Variants in GGTA1 observed in about 807,000 individuals in gnomAD.
The protein encoded by GGTA1 is glycoprotein alpha-galactosyltransferase 1 (inactive).
A neutral mutation model predicts 2.6 loss-of-function variants in GGTA1; 5 were observed. The observed-to-expected ratio is 1.92, with a 90% CI of 1.00 to 4.04. GGTA1 has a LOEUF of 4.04. GGTA1 is among the 30% of genes most tolerant of loss of function. The probability of loss-of-function intolerance (pLI) is 0.00; values close to 1 mark genes in which losing one functional copy is unlikely to be tolerated. For synonymous variants in GGTA1, 17 were observed against 5.0 expected, an observed-to-expected ratio of 3.38 and a Z score of -3.19; for missense variants, 50 against 16.7, an observed-to-expected ratio of 2.99 and a Z score of -3.47.
intron 1 of GGTA1, among the ~76,000 whole-genome samples, chr9:121,493,420 A>G (rs1828916723): frequency 6.6e-6 from 1 of 152,102 alleles, no homozygotes; most frequent in Non-Finnish European, 1.5e-5. Flanking sequence ...TTCGCCCAAG[A>G]CATTAAAACT....
chr9:121,445,979 C>A (rs765044863), exon 8 of GGTA1: 6 of 152,224 alleles, frequency 3.9e-5, no homozygotes, highest in Non-Finnish European at 8.8e-5. Flanking sequence ...TGACACCATC[C>A]ACATCTCTTT....
At chr9:121,452,390 A>C (rs1276714999), downstream of GGTA1, 1 of 152,606 alleles carries the variant, frequency 6.6e-6, no homozygotes, top group Non-Finnish European at 1.5e-5. Context: ...ACTGTCCTTG[A>C]ATCCTGACTG....
intron 1 of GGTA1, among the ~76,000 whole-genome samples, chr9:121,472,978 A>G (rs1265240948): frequency 2.6e-5 from 4 of 152,050 alleles, no homozygotes; most frequent in African/African-American, 9.7e-5. Context: ...GAGCTTATCT[A>G]TGGCTTGAAT....
At chr9:121,463,198 A>C (rs2118678204) in intron 3 of GGTA1, 95 bp downstream of exon 3, 2 of 434,034 alleles carry the variant, frequency 4.6e-6, no homozygotes, top group South Asian at 3.3e-5. Flanking sequence ...TTGGCCGAAC[A>C]CCATGGCTGG....
chr9:121,488,515 G>GAA (rs1828807520), intron 1 of GGTA1, among the ~76,000 whole-genome samples: 1 of 152,130 alleles, frequency 6.6e-6, no homozygotes, highest in Non-Finnish European at 1.5e-5. Context: ...AGGAGTTCGA[G>GAA]ACCAGCCTGC....
At position 121,460,223 on chromosome 9, in the gene GGTA1, A is replaced by G. The variant is rs1019657078; in HGVS notation, c.183-4T>C. The G allele has an allele frequency of 2.8e-5, 13 of 457,086 alleles. No individual in the cohort carries two copies. Among genetic ancestry groups the G allele is most frequent in the Non-Finnish European group, 4.8e-5 (11 of 227,100 alleles). 28.3% of individuals were successfully genotyped at this position (457,086 alleles called of 1,614,324 possible). Reference sequence around the variant, plus strand: ...CCCTTGTTGATAATTGTGGATCCTAAGTACAAAGGGAAAGTAAACCAGGTA... The same window carrying G: ...CCCTTGTTGATAATTGTGGATCCTAGGTACAAAGGGAAAGTAAACCAGGTA... On this transcript the variant is annotated splice_polypyrimidine_tract_variant and splice_region_variant and intron_variant, in intron 4 of 5. Transcript: ENST00000481799.
At chr9:121,498,698 A>G (rs1043181979) in intron 1 of GGTA1, among the ~76,000 whole-genome samples, 1 of 152,062 alleles carries the variant, frequency 6.6e-6, no homozygotes, top group African/African-American at 2.4e-5. Context: ...CAGGAGCCCG[A>G]AGGAGTGCAA....
intron 1 of GGTA1, among the ~76,000 whole-genome samples, chr9:121,470,978 C>T (rs1316695344): frequency 3.9e-5 from 6 of 152,226 alleles, no homozygotes; most frequent in Admixed American, 3.9e-4. Context: ...GTCTAGGCAG[C>T]GGGCAAGGTG....
downstream of GGTA1, among the ~76,000 whole-genome samples, chr9:121,453,228 G>A (rs566280327): frequency 1.4e-4 from 21 of 152,232 alleles, 1 homozygote; most frequent in Middle Eastern, 3.2e-3. Context: ...GCCCAGCAAG[G>A]CCAAGACTGG....
chr9:121,485,867 G>A (rs1828745407), intron 1 of GGTA1, among the ~76,000 whole-genome samples: 1 of 152,144 alleles, frequency 6.6e-6, no homozygotes, highest in Non-Finnish European at 1.5e-5. Flanking sequence ...ATGGGGAAGT[G>A]GACTGAGGAA....
intron 1 of GGTA1, among the ~76,000 whole-genome samples, chr9:121,496,133 T>C (rs1177518772): frequency 6.6e-6 from 1 of 152,224 alleles, no homozygotes; most frequent in Non-Finnish European, 1.5e-5. Flanking sequence ...GAAAGTTTCA[T>C]CACAATCTGC....
chr9:121,461,153 G>C (rs932932206), intron 4 of GGTA1, 99 bp downstream of exon 4: 46 of 388,428 alleles, frequency 1.2e-4, no homozygotes, highest in Admixed American at 3.5e-5. Flanking sequence ...CAAGAAAGAT[G>C]AGTGACTGAG....
chr9:121,481,805 T>C lies in GGTA1; in HGVS notation c.-9-13874A>G, dbSNP rs181948966. Reference sequence around the variant, plus strand: ...TGAGGTCAGGAGTTCGAGACCAGCCTGACCAACATGGAGAAACCCCGTCTC... The same window carrying C: ...TGAGGTCAGGAGTTCGAGACCAGCCCGACCAACATGGAGAAACCCCGTCTC... On this transcript the variant is annotated intron_variant, in intron 1 of 5. Coordinates refer to ENST00000481799, the MANE Select transcript of GGTA1 (RefSeq NM_001382585.1). 7.3e-3 allele frequency among the ~76,000 whole-genome samples: 1,087 copies of C among 149,888 alleles called. 11 individuals are homozygous for C. The highest frequency in any genetic ancestry group is 0.026 in the African/African-American group (1,040 of 40,662).
intron 3 of GGTA1, among the ~76,000 whole-genome samples, chr9:121,462,408 T>C (rs914430747): frequency 7.9e-5 from 12 of 152,084 alleles, no homozygotes; most frequent in Non-Finnish European, 1.0e-4. Context: ...GAAAGTCCGA[T>C]GGACAAATAC....
downstream of GGTA1, among the ~76,000 whole-genome samples, chr9:121,451,097 G>A (rs2064876001): frequency 6.6e-6 from 1 of 151,752 alleles, no homozygotes; most frequent in African/African-American, 2.4e-5. Context: ...AGGAAAATTG[G>A]ACTTTTAGTT....
rs992084471 is a variant in GGTA1 at position 121,467,859 on chromosome 9, A to G, written c.64T>C (p.Trp22Arg). ...LVVSTVIIVF[W>R]EFINSTEGSF... The stretch of plus-strand genomic sequence containing the variant: ...CATAATTACCTGTTGATAAATTCCC[A>G]AAACACAATGATCACAGTTGAGACA... The change falls in exon 2 of 6, where the codon TGG (tryptophan) becomes CGG (arginine). Residue 22 changes from tryptophan (W) to arginine (R), a missense_variant. Trp to Arg is a moderately radical substitution (Grantham distance 101, BLOSUM62 -3). Coordinates refer to ENST00000481799, the MANE Select transcript of GGTA1 (RefSeq NM_001382585.1). The G allele has an allele frequency of 4.4e-6, 2 of 455,972 alleles. No individual in the cohort carries two copies. The highest frequency in any genetic ancestry group is 2.4e-5 in the Admixed American group (1 of 42,424). 28.2% of individuals were successfully genotyped at this position (455,972 alleles called of 1,614,324 possible).
intron 1 of GGTA1, among the ~76,000 whole-genome samples, chr9:121,470,542 T>C (rs1828366884): frequency 6.6e-6 from 1 of 152,194 alleles, no homozygotes; most frequent in South Asian, 2.1e-4. Flanking sequence ...TGTTCACATA[T>C]GGAAGGTAGT....
chr9:121,492,770 G>A (rs1007446782), intron 1 of GGTA1, among the ~76,000 whole-genome samples: 3 of 150,902 alleles, frequency 2.0e-5, no homozygotes, highest in Non-Finnish European at 2.9e-5. Context: ...CACCGCGCCC[G>A]GTCGAGTTCA....
At chr9:121,481,438 G>T (rs1487410262) in intron 1 of GGTA1, among the ~76,000 whole-genome samples, 2 of 152,160 alleles carry the variant, frequency 1.3e-5, no homozygotes, top group Non-Finnish European at 2.9e-5. Context: ...TGTAATCCCA[G>T]CACTTTGGGA....
Sources: allele counts gnomAD v4.1 joint callset (sites outside exome capture counted in the v4.1 genomes callset), GRCh38; gene constraint gnomAD v4.1.1; transcripts MANE v1.5; gene names NCBI Gene and HGNC (gene_info 2026-07-23, HGNC 2026-07-21).